Variants in KIAA0232 observed in about 807,000 individuals in gnomAD.
KIAA0232 encodes the protein uncharacterized protein KIAA0232.
In KIAA0232, 27 loss-of-function variants were observed where a neutral mutation model predicts 122.0. That is an observed-to-expected ratio of 0.22 (90% CI 0.16 to 0.31). The LOEUF (loss-of-function observed/expected upper bound fraction) is 0.31. Ranked by LOEUF, KIAA0232 falls within the 10% of genes least tolerant of loss-of-function variation. The pLI is 1.00. For missense variants in KIAA0232, 1,551 were observed against 1,634.2 expected, an observed-to-expected ratio of 0.95 and a Z score of 0.88; for synonymous variants, 613 against 587.6, an observed-to-expected ratio of 1.04 and a Z score of -0.63.
chr4:6,860,522 G>A (rs985512441), intron 6 of KIAA0232, among the ~76,000 whole-genome samples: 2 of 152,178 alleles, frequency 1.3e-5, no homozygotes, highest in Middle Eastern at 3.2e-3. Flanking sequence ...GCTTAAAGTC[G>A]CAAGCAATAG....
At chr4:6,835,300 C>G (rs1375909719) in intron 3 of KIAA0232, among the ~76,000 whole-genome samples, 1 of 152,060 alleles carries the variant, frequency 6.6e-6, no homozygotes, top group Non-Finnish European at 1.5e-5. Context: ...TTCCATTGCA[C>G]TCTGTTGAGC....
At chr4:6,874,738 A>C (rs1466886584) in intron 8 of KIAA0232, among the ~76,000 whole-genome samples, 1 of 152,136 alleles carries the variant, frequency 6.6e-6, no homozygotes, top group Non-Finnish European at 1.5e-5. Flanking sequence ...TGTATGTATA[A>C]AAGGAGGCTA....
chr4:6,793,555 G>A (rs950245207), intron 1 of KIAA0232, among the ~76,000 whole-genome samples: 1 of 152,194 alleles, frequency 6.6e-6, no homozygotes, highest in Non-Finnish European at 1.5e-5. Flanking sequence ...CTCATCATAG[G>A]CGAGTCAGAA....
chr4:6,857,327 C>A (rs930752875), intron 5 of KIAA0232, 97 bp downstream of exon 5: 7 of 1,078,496 alleles, frequency 6.5e-6, no homozygotes, highest in Non-Finnish European at 9.3e-6. Context: ...AAGAAAACAA[C>A]CAGAACAAAG....
At chr4:6,828,404 A>G (rs1718807295) in intron 3 of KIAA0232, among the ~76,000 whole-genome samples, 1 of 152,242 alleles carries the variant, frequency 6.6e-6, no homozygotes, top group Non-Finnish European at 1.5e-5. Flanking sequence ...ACTTTTTAAA[A>G]TGAAATAATT....
intron 4 of KIAA0232, among the ~76,000 whole-genome samples, chr4:6,851,439 G>A (rs1720278298): frequency 6.6e-6 from 1 of 152,148 alleles, no homozygotes; most frequent in Admixed American, 6.5e-5. Context: ...TGGGTGCGAT[G>A]GCTCATGCCT....
At chr4:6,864,542 C>T (rs1350405531) in intron 7 of KIAA0232, among the ~76,000 whole-genome samples, 3 of 151,780 alleles carry the variant, frequency 2.0e-5, no homozygotes, top group African/African-American at 7.3e-5. Flanking sequence ...AGTTCAAGAC[C>T]AGCTTGGCCA....
Position 6,786,634 on chromosome 4 carries a change from G to A in KIAA0232, c.-354+3793G>A, listed in dbSNP as rs142574028. 2.9e-3 allele frequency among the ~76,000 whole-genome samples: 439 copies of A among 152,148 alleles called. 3 individuals carry two copies. The highest frequency in any genetic ancestry group is 0.01 in the African/African-American group (417 of 41,488). On this transcript the variant is annotated intron_variant, in intron 1 of 9. Transcript: ENST00000307659. ...AGATGAAGTATTTTTAATAAACATC[G>A]GTGCCCACAACAACATTAGAAATGT...
intron 1 of KIAA0232, among the ~76,000 whole-genome samples, chr4:6,799,592 C>G: frequency 6.6e-6 from 1 of 152,152 alleles, no homozygotes; most frequent in East Asian, 1.9e-4. Context: ...GATGGCATAG[C>G]CTAAGACTAC....
intron 4 of KIAA0232, among the ~76,000 whole-genome samples, chr4:6,847,065 A>G (rs1328160468): frequency 6.6e-6 from 1 of 152,180 alleles, no homozygotes; most frequent in Non-Finnish European, 1.5e-5. Context: ...TTAAAAGACA[A>G]TAATATAGGT....
At chr4:6,826,377 T>A (rs896168161) in intron 3 of KIAA0232, among the ~76,000 whole-genome samples, 1 of 152,222 alleles carries the variant, frequency 6.6e-6, no homozygotes, top group African/African-American at 2.4e-5. Flanking sequence ...AATATGCTCC[T>A]TTACAGGCAA....
At chr4:6,809,813 G>A (rs1717795460) in intron 2 of KIAA0232, among the ~76,000 whole-genome samples, 1 of 152,006 alleles carries the variant, frequency 6.6e-6, no homozygotes, top group South Asian at 2.1e-4. Flanking sequence ...AAGAAATCAA[G>A]AAGGAAGTAC....
rs528970972 is a variant in KIAA0232 at position 6,826,903 on chromosome 4, TTGTGAATCCTC to T, written c.231+2222_231+2232del. Among the ~76,000 whole-genome samples, 371 of 152,262 alleles carry T rather than the reference TTGTGAATCCTC, an allele frequency of 2.4e-3. 5 individuals carry two copies. The highest frequency in any genetic ancestry group is 2.1e-3 in the Non-Finnish European group (141 of 68,008). On this transcript the variant is annotated intron_variant, in intron 3 of 9. Transcript: ENST00000307659. ...ATAGTAATAACATCTCTGATCAGAC[TTGTGAATCCTC>T]TGGTTTCTTTACTAACTCTAGGGGG...
intron 3 of KIAA0232, among the ~76,000 whole-genome samples, chr4:6,837,128 C>T (rs547790679): frequency 1.1e-3 from 160 of 150,414 alleles, no homozygotes; most frequent in African/African-American, 3.5e-3. Context: ...AGCGGCCGGG[C>T]GGGGGCTGCC....
chr4:6,840,029 G>A (rs1407131845), intron 3 of KIAA0232, among the ~76,000 whole-genome samples: 1 of 152,064 alleles, frequency 6.6e-6, no homozygotes, highest in Non-Finnish European at 1.5e-5. Context: ...CCCAAAGTTT[G>A]GCCTAAATTG....
intron 3 of KIAA0232, among the ~76,000 whole-genome samples, chr4:6,826,876 T>C (rs534920472): frequency 2.4e-4 from 37 of 152,288 alleles, no homozygotes; most frequent in African/African-American, 8.9e-4. Context: ...GTTAATAAGA[T>C]TATAGTAATA....
chr4:6,804,799 C>A (rs1717540720), intron 2 of KIAA0232, among the ~76,000 whole-genome samples, 193 bp downstream of exon 2: 1 of 152,198 alleles, frequency 6.6e-6, no homozygotes, highest in Non-Finnish European at 1.5e-5. Context: ...CCTGGGAATT[C>A]TGGATATGAA....
At chr4:6,796,095 T>C (rs1246476469) in intron 1 of KIAA0232, among the ~76,000 whole-genome samples, 2 of 152,158 alleles carry the variant, frequency 1.3e-5, no homozygotes, top group East Asian at 3.8e-4. Flanking sequence ...TGAGCTGCAC[T>C]AAAATTTGAT....
At chr4:6,788,940 T>A (rs1285628426) in intron 1 of KIAA0232, among the ~76,000 whole-genome samples, 1 of 151,838 alleles carries the variant, frequency 6.6e-6, no homozygotes, top group Non-Finnish European at 1.5e-5. Context: ...CTGGTGTGTG[T>A]GTAAAGAAAA....
Sources: gnomAD v4.1 joint callset for allele counts (sites outside exome capture counted in the v4.1 genomes callset) on GRCh38, gnomAD v4.1.1 for gene constraint, MANE v1.5 for transcripts, NCBI Gene and HGNC (gene_info 2026-07-23, HGNC 2026-07-21) for gene names.